IPP: variants seen among roughly 807,000 people sequenced by gnomAD.
IPP encodes the protein intracisternal A particle-promoted polypeptide.
In IPP, 41 loss-of-function variants were observed where a neutral mutation model predicts 64.1. That is an observed-to-expected ratio of 0.64 (90% confidence interval 0.50 to 0.83). IPP has a LOEUF of 0.83. Ranked by LOEUF, IPP falls within the 40% of genes least tolerant of loss-of-function variation. The probability of loss-of-function intolerance (pLI) is 0.00; values close to 1 mark genes in which losing one functional copy is unlikely to be tolerated. For missense variants in IPP, 649 were observed against 703.0 expected (o/e 0.92, Z 0.87); for synonymous variants, 214 against 235.2 (o/e 0.91, Z 0.83).
chr1:45,718,617 C>T (rs1645691418), intron 6 of IPP, among the ~76,000 whole-genome samples: 1 of 152,120 alleles, frequency 6.6e-6, no homozygotes, highest in Admixed American at 6.6e-5. Flanking sequence ...TCCCCTAAGA[C>T]CTTGCCCAGC....
chr1:45,724,432 G>T (rs1379484390), intron 5 of IPP, among the ~76,000 whole-genome samples: 3 of 132,610 alleles, frequency 2.3e-5, no homozygotes, highest in African/African-American at 8.3e-5. Flanking sequence ...GTCTCTGCCT[G>T]GCCGCCCATC....
chr1:45,723,863 AT>A (rs896118786), intron 5 of IPP, among the ~76,000 whole-genome samples: 12 of 151,144 alleles, frequency 7.9e-5, no homozygotes, highest in Non-Finnish European at 1.0e-4. Context: ...ATTAATTACA[AT>A]TTTTTTTTAT....
chr1:45,740,388 A>C (rs1033938499), intron 3 of IPP, among the ~76,000 whole-genome samples: 2 of 151,972 alleles, frequency 1.3e-5, no homozygotes, highest in Admixed American at 6.6e-5. Context: ...CTCACTTCCC[A>C]GTAGGGGCGG....
chr1:45,702,409 T>C (rs1569943323), intron 8 of IPP, among the ~76,000 whole-genome samples: 1 of 152,210 alleles, frequency 6.6e-6, no homozygotes, highest in Admixed American at 6.5e-5. Context: ...CAATAAAATT[T>C]CATATGCATA....
intron 2 of IPP, among the ~76,000 whole-genome samples, chr1:45,743,051 C>T (rs1031939051): frequency 6.6e-6 from 1 of 151,934 alleles, no homozygotes; most frequent in South Asian, 2.1e-4. Context: ...GATTTTCCTG[C>T]CTCAGCCTCC....
intron 3 of IPP, among the ~76,000 whole-genome samples, 165 bp downstream of exon 3, chr1:45,740,736 A>C (rs1646051367): frequency 6.6e-6 from 1 of 152,356 alleles, no homozygotes; most frequent in East Asian, 1.9e-4. Context: ...AGAACACAAA[A>C]GTTGTATCTT....
At chr1:45,746,517 A>T (rs41296153) in intron 1 of IPP, 56 bp from the exon 2 acceptor site, 10,640 of 733,022 alleles carry the variant, frequency 0.015, 88 homozygotes, top group Non-Finnish European at 0.018. Flanking sequence ...CATGCTTTCT[A>T]TTCACACATA....
intron 7 of IPP, among the ~76,000 whole-genome samples, chr1:45,716,284 T>C (rs944702504): frequency 6.6e-6 from 1 of 152,186 alleles, no homozygotes; most frequent in Non-Finnish European, 1.5e-5. Context: ...GTCTCACTGT[T>C]ACCCAGGCTG....
In IPP at chr1:45,727,848, A is replaced by G. The variant is rs779080453; in HGVS notation, c.881-50T>C. 3.8e-6 allele frequency: 5 copies of G among 1,329,498 alleles called. No individual in the cohort carries two copies. In the African/African-American group the frequency reaches 7.2e-5, roughly 19 times the overall value. The allele number at this position is 1,329,498 out of a possible 1,614,324, so 82.4% of individuals were successfully genotyped here. A position where few individuals can be genotyped will look rare whatever the true frequency, so the allele number is the denominator to read the frequency against. On this transcript the variant is annotated intron_variant, in intron 4 of 8. Transcript: ENST00000396478. ...AATGAAAATCTACTGTTCTACATCT[A>G]AACATTTAGTATAACTACTATATAA...
chr1:45,741,406 T>C, intron 2 of IPP, 74 bp from the exon 3 acceptor site: 3 of 1,044,846 alleles, frequency 2.9e-6, no homozygotes, highest in Admixed American at 2.4e-5. Flanking sequence ...AAAAGTATTA[T>C]ACTTGATTTC....
At chr1:45,712,360 T>G (rs534896050) in intron 8 of IPP, among the ~76,000 whole-genome samples, 1 of 146,710 alleles carries the variant, frequency 6.8e-6, no homozygotes, top group South Asian at 2.1e-4. Context: ...CATTCAACAA[T>G]AGCAGAATAC....
chr1:45,725,119 G>T (rs1278698666), intron 5 of IPP, among the ~76,000 whole-genome samples: 11 of 132,794 alleles, frequency 8.3e-5, no homozygotes, highest in Admixed American at 1.5e-4. Flanking sequence ...GGGGAGGGGG[G>T]GTCAGCCCCC....
Position 45,708,834 on chromosome 1 carries a change from C to G in IPP, c.1530+5412G>C, listed in dbSNP as rs140837804. Among the ~76,000 whole-genome samples the G allele has an allele frequency of 1.3e-3, 192 of 151,418 alleles. 1 individual carries two copies. Among genetic ancestry groups the G allele is most frequent in the African/African-American group, 4.4e-3 (182 of 41,274 alleles). On this transcript the variant is annotated intron_variant, in intron 8 of 8. Coordinates refer to ENST00000396478, the MANE Select transcript of IPP (RefSeq NM_005897.3). ...ATCACCTGAAGCCAGTAGTTCGAGA[C>G]CAGCCTGGCCAACATGGCAAAACCC... is the stretch of plus-strand genomic sequence containing the variant.
At chr1:45,736,378 TATTAA>T (rs1420249435) in intron 3 of IPP, among the ~76,000 whole-genome samples, 3 of 152,122 alleles carry the variant, frequency 2.0e-5, no homozygotes, top group African/African-American at 7.2e-5. Flanking sequence ...TATCTAATAA[TATTAA>T]ATTGCCTAAA....
intron 5 of IPP, among the ~76,000 whole-genome samples, chr1:45,724,653 C>T (rs1450869071): frequency 1.9e-4 from 26 of 135,466 alleles, no homozygotes; most frequent in South Asian, 4.8e-4. Context: ...ATGTGAGGAG[C>T]GCCTCTGCCG....
intron 3 of IPP, among the ~76,000 whole-genome samples, chr1:45,736,212 C>A (rs1482029212): frequency 6.6e-6 from 1 of 152,024 alleles, no homozygotes; most frequent in Non-Finnish European, 1.5e-5. Flanking sequence ...CCCGCCTTGG[C>A]CTCCCAAAGT....
intron 3 of IPP, among the ~76,000 whole-genome samples, chr1:45,738,858 A>AAAC (rs1308586927): frequency 2.6e-5 from 4 of 151,098 alleles, no homozygotes; most frequent in East Asian, 1.9e-4. Flanking sequence ...AAAAAAAAAA[A>AAAC]AAAAAAACAA....
chr1:45,724,071 C>T (rs1402828514), intron 5 of IPP, among the ~76,000 whole-genome samples: 4 of 150,552 alleles, frequency 2.7e-5, no homozygotes, highest in South Asian at 2.1e-4. Context: ...CGGCTCACTG[C>T]AACCTCCCTG....
intron 2 of IPP, among the ~76,000 whole-genome samples, chr1:45,744,017 CAAAA>C (rs202157506): frequency 9.9e-6 from 1 of 100,770 alleles, no homozygotes. Context: ...ACCCCGTCAC[CAAAA>C]AAAAAAAAAA....
Sources: gnomAD v4.1 joint callset for allele counts (sites outside exome capture counted in the v4.1 genomes callset) on GRCh38, gnomAD v4.1.1 for gene constraint, MANE v1.5 for transcripts, NCBI Gene and HGNC (gene_info 2026-07-23, HGNC 2026-07-21) for gene names.